ANGPT2: variants seen among roughly 807,000 people sequenced by gnomAD.
ANGPT2 encodes angiopoietin 2, also known as angiopoietin-2.
Under a neutral mutation model 62.9 loss-of-function variants are expected in ANGPT2, and 28 were observed. That is an observed-to-expected ratio of 0.44 (90% CI 0.33 to 0.61). ANGPT2 has a LOEUF of 0.61. ANGPT2 is among the 20% of genes least tolerant of loss of function. The pLI, the probability that ANGPT2 is intolerant of heterozygous loss-of-function variation, is 0.03. For missense variants in ANGPT2, 727 were observed against 594.9 expected (o/e 1.22, Z -2.31); for synonymous variants, 284 against 207.8 (o/e 1.37, Z -3.15).
Position 6,521,332 on chromosome 8 carries a change from C to G in ANGPT2, c.645G>C (p.Gln215His), listed in dbSNP as rs765745691. 1.2e-6 allele frequency: 2 copies of G among 1,613,796 alleles called. No homozygotes were observed. Among genetic ancestry groups the G allele is most frequent in the Non-Finnish European group, 1.7e-6 (2 of 1,179,934 alleles). The change falls in exon 4 of 9, where the codon CAG (glutamine) becomes CAC (histidine). Residue 215 changes from glutamine (Q) to histidine (H), a missense_variant. Transcript: ENST00000629816. ...TTTGCTTGGATACTAACACCTGTAG[C>G]TGATCTTTCTCTTCTTTTATTGACT... ...QLQSIKEEKD[Q>H]LQVLVSKQNS...
chr8:6,506,169 C>A (rs895784436), intron 8 of ANGPT2, among the ~76,000 whole-genome samples: 1 of 151,602 alleles, frequency 6.6e-6, no homozygotes, highest in African/African-American at 2.4e-5. Flanking sequence ...CGGAAGTTTG[C>A]GTGTTCTATT....
At position 6,521,320 on chromosome 8, in the gene ANGPT2, T is replaced by G. The variant is rs771655113; in HGVS notation, c.657A>C (p.Leu219Phe). The change falls in exon 4 of 9, where the codon TTA becomes TTC. Residue 219 changes from leucine to phenylalanine, a missense_variant. Transcript: ENST00000629816. ...CAATGATGGAATTTTGCTTGGATAC[T>G]AACACCTGTAGCTGATCTTTCTCTT... ...IKEEKDQLQV[L>F]VSKQNSIIEE... 2 of 1,613,858 alleles carry G rather than the reference T, an allele frequency of 1.2e-6. No individual in the cohort carries two copies. Among genetic ancestry groups the G allele is most frequent in the Non-Finnish European group, 1.7e-6 (2 of 1,179,920 alleles).
chr8:6,518,404 C>T (rs1586301408), intron 5 of ANGPT2, among the ~76,000 whole-genome samples: 1 of 152,138 alleles, frequency 6.6e-6, no homozygotes, highest in Non-Finnish European at 1.5e-5. Context: ...TGGGTTTGTT[C>T]CCTTCCTTCC....
At chr8:6,557,178 A>G (rs1824760507) in intron 1 of ANGPT2, among the ~76,000 whole-genome samples, 1 of 152,108 alleles carries the variant, frequency 6.6e-6, no homozygotes, top group Admixed American at 6.5e-5. Context: ...TGCTTTTGTC[A>G]GAGGAGGGGA....
intron 1 of ANGPT2, among the ~76,000 whole-genome samples, chr8:6,541,352 C>T (rs889541990): frequency 2.6e-5 from 4 of 152,124 alleles, no homozygotes; most frequent in Admixed American, 6.5e-5. Context: ...GTGGGTAACT[C>T]GGGGCCACGT....
chr8:6,517,151 G>C (rs1054689361), intron 5 of ANGPT2, among the ~76,000 whole-genome samples: 1 of 152,184 alleles, frequency 6.6e-6, no homozygotes, highest in African/African-American at 2.4e-5. Flanking sequence ...ATTATATCAG[G>C]ATCAGCAAAG....
rs1428595214 is a variant in ANGPT2, at chr8:6,502,211, T to C, written c.*890A>G. 2 of 152,120 alleles carry C rather than the reference T, an allele frequency of 1.3e-5. No homozygotes were observed. The highest frequency in any genetic ancestry group is 2.9e-5 in the Non-Finnish European group (2 of 68,020). The allele number at this position is 152,120 out of a possible 1,614,324, so 9.4% of individuals were successfully genotyped here. ...TTTCCTCATCATTAAAAGTAAGAAG[T>C]TTCCTTATCACAAGGCACAATTAGG... On this transcript the variant is annotated 3_prime_UTR_variant, in exon 9 of 9. Transcript: ENST00000629816.
At chr8:6,516,270 C>A (rs1056365860) in intron 5 of ANGPT2, among the ~76,000 whole-genome samples, 1 of 152,226 alleles carries the variant, frequency 6.6e-6, no homozygotes, top group African/African-American at 2.4e-5. Flanking sequence ...CATCCAAGTA[C>A]TCTGCCAGAT....
At chr8:6,541,061 C>T (rs558133310) in intron 1 of ANGPT2, among the ~76,000 whole-genome samples, 1 of 152,260 alleles carries the variant, frequency 6.6e-6, no homozygotes, top group African/African-American at 2.4e-5. Context: ...TGTCCCGAGG[C>T]AGCTTGGAGC....
chr8:6,511,843 A>T (rs1815179328), intron 7 of ANGPT2, among the ~76,000 whole-genome samples: 1 of 151,676 alleles, frequency 6.6e-6, no homozygotes, highest in South Asian at 2.1e-4. Flanking sequence ...AAGGGTAATG[A>T]CCCATTTTGT....
At chr8:6,543,386 C>T (rs1821956973) in intron 1 of ANGPT2, among the ~76,000 whole-genome samples, 2 of 152,178 alleles carry the variant, frequency 1.3e-5, no homozygotes, top group South Asian at 2.1e-4. Context: ...GGACACCCTT[C>T]TCTCTGTGCT....
intron 1 of ANGPT2, among the ~76,000 whole-genome samples, chr8:6,544,185 T>G (rs568390101): frequency 1.3e-5 from 2 of 152,352 alleles, no homozygotes; most frequent in South Asian, 4.2e-4. Context: ...CGAATCAACA[T>G]ATTTACCATT....
At chr8:6,546,631 C>T (rs892883783) in intron 1 of ANGPT2, among the ~76,000 whole-genome samples, 9 of 151,916 alleles carry the variant, frequency 5.9e-5, no homozygotes, top group South Asian at 2.1e-4. Flanking sequence ...TGGAGCTAAC[C>T]GCTTAATACA....
chr8:6,521,671 G>A (rs1281289689), intron 3 of ANGPT2, among the ~76,000 whole-genome samples: 1 of 152,162 alleles, frequency 6.6e-6, no homozygotes, highest in East Asian at 1.9e-4. Context: ...TACCCCATCT[G>A]GTCCAGGATA....
At chr8:6,561,009 C>T (rs1825452916) in intron 1 of ANGPT2, among the ~76,000 whole-genome samples, 1 of 152,170 alleles carries the variant, frequency 6.6e-6, no homozygotes, top group African/African-American at 2.4e-5. Flanking sequence ...TCTGTAACCA[C>T]GGTGGATGTG....
At chr8:6,517,366 A>T (rs1387655037) in intron 5 of ANGPT2, among the ~76,000 whole-genome samples, 1 of 152,234 alleles carries the variant, frequency 6.6e-6, no homozygotes, top group African/African-American at 2.4e-5. Flanking sequence ...CAAACCATAG[A>T]GACAACCGTT....
intron 1 of ANGPT2, among the ~76,000 whole-genome samples, chr8:6,542,556 A>G (rs1475513399): frequency 6.6e-6 from 1 of 151,894 alleles, no homozygotes. Flanking sequence ...CCAACACCCC[A>G]TCCCGCACTC....
chr8:6,531,782 C>G (rs1819566729), intron 2 of ANGPT2, among the ~76,000 whole-genome samples: 1 of 116,188 alleles, frequency 8.6e-6, no homozygotes, highest in South Asian at 2.6e-4. Context: ...TGGCAGCGCT[C>G]AGGGCTCTTG....
rs1032193396 is a variant in ANGPT2 at position 6,503,214 on chromosome 8, A to G, written c.1375T>C (p.Tyr459His). 1 of 1,614,162 alleles carries G rather than the reference A, an allele frequency of 6.2e-7. No individual in the cohort carries two copies. Among genetic ancestry groups the G allele is most frequent in the African/African-American group, 1.3e-5 (1 of 75,038 alleles). Residue 459 changes from tyrosine (Y) to histidine (H), a missense_variant, in exon 9 of 9, where the codon TAT (tyrosine) becomes CAT (histidine). Coordinates refer to ENST00000629816, the MANE Select transcript of ANGPT2 (RefSeq NM_001118887.2). ...CGPSNLNGMY[Y>H]PQRQNTNKFN... ...TTATTTGTGTTCTGCCTCTGTGGAT[A>G]GTACATTCCGTTCAAGTTGGAAGGA... is the stretch of plus-strand genomic sequence containing the variant.
Sources: allele counts gnomAD v4.1 joint callset (sites outside exome capture counted in the v4.1 genomes callset), GRCh38; gene constraint gnomAD v4.1.1; transcripts MANE v1.5; gene names NCBI Gene and HGNC (gene_info 2026-07-23, HGNC 2026-07-21).